The following SLC14A2 variants were observed in gnomAD, a reference collection of about 807,000 sequenced individuals.
The protein encoded by SLC14A2 is solute carrier family 14 member 2.
SLC14A2 carries 91 observed loss-of-function variants against 104.6 expected under a neutral mutation model. That is an observed-to-expected ratio of 0.87 (90% CI 0.73 to 1.04). SLC14A2 has a LOEUF of 1.04. Among genes scored for constraint, SLC14A2 ranks in the 50% least tolerant of loss-of-function variants. The probability of loss-of-function intolerance (pLI) is 0.00; values close to 1 mark genes in which losing one functional copy is unlikely to be tolerated. For missense variants in SLC14A2, 1,189 were observed against 1,156.0 expected (o/e 1.03, Z -0.41); for synonymous variants, 476 against 466.4 (o/e 1.02, Z -0.27).
rs987108724 is a variant in SLC14A2 at position 45,667,991 on chromosome 18, A to G, written c.1876A>G (p.Thr626Ala). Residue 626 changes from threonine to alanine, a missense_variant, in exon 14 of 20, where the codon ACC (threonine) becomes GCC (alanine). Coordinates refer to ENST00000255226, the MANE Select transcript of SLC14A2 (RefSeq NM_007163.4). Reference protein sequence around the residue: ...ISGCLGTIMSTLTALILSQDK... With the variant: ...ISGCLGTIMSALTALILSQDK... ...AGGCTGCCTGGGTACCATCATGTCC[A>G]CCTTGACAGCCCTCATCCTGAGTCA... 4 of 1,613,910 alleles carry G rather than the reference A, an allele frequency of 2.5e-6. No individual in the cohort carries two copies. The African/African-American group carries it at 4.0e-5, about 16-fold the overall frequency.
At chr18:45,248,981 G>A (rs780349571) in intron 1 of SLC14A2, among the ~76,000 whole-genome samples, 13 of 152,186 alleles carry the variant, frequency 8.5e-5, no homozygotes, top group Admixed American at 3.3e-4. Context: ...TGCTGTCCAC[G>A]TTCCATAATT....
At chr18:45,529,547 A>T (rs1460074336) in intron 2 of SLC14A2, 1 of 152,240 alleles carries the variant, frequency 6.6e-6, no homozygotes, top group East Asian at 1.9e-4. Context: ...ATCAATGAAT[A>T]TAAATGGATT....
intron 2 of SLC14A2, among the ~76,000 whole-genome samples, chr18:45,538,850 C>CT (rs61475766): frequency 0.23 from 24,557 of 105,220 alleles, 2,568 homozygotes; most frequent in African/African-American, 0.27. Flanking sequence ...TCCCCCTTCC[C>CT]TTTTTTTTTT....
At chr18:45,601,728 A>G (rs1187259735) in intron 2 of SLC14A2, among the ~76,000 whole-genome samples, 10 of 152,224 alleles carry the variant, frequency 6.6e-5, no homozygotes, top group African/African-American at 9.6e-5. Context: ...TCTGAAATCA[A>G]TTGATCAGAC....
At chr18:45,644,510 T>C (rs988777091) in intron 10 of SLC14A2, 29 of 182,400 alleles carry the variant, frequency 1.6e-4, no homozygotes, top group African/African-American at 6.5e-4. Flanking sequence ...AACTAAATAA[T>C]AGATGCTATA....
At position 45,253,036 on chromosome 18, in the gene SLC14A2, G is replaced by T. The variant is rs183777937; in HGVS notation, c.-125+39845G>T. On this transcript the variant is annotated intron_variant, in intron 1 of 20. Coordinates refer to the SLC14A2 transcript ENST00000586448. ...AGCCATGACTGATGAAATAAAAAAG[G>T]CTGCATCCATCCACCCTACAGTCTT... is the stretch of plus-strand genomic sequence containing the variant. Among the ~76,000 whole-genome samples, 70 of 152,264 alleles carry T rather than the reference G, an allele frequency of 4.6e-4. 1 individual carries two copies. Among genetic ancestry groups the T allele is most frequent in the African/African-American group, 1.6e-3 (65 of 41,544 alleles).
At chr18:45,586,470 C>G (rs939312723) in intron 2 of SLC14A2, among the ~76,000 whole-genome samples, 1 of 152,114 alleles carries the variant, frequency 6.6e-6, no homozygotes, top group Admixed American at 6.5e-5. Flanking sequence ...ATTAAAGGGT[C>G]CAGAGCAGGG....
At chr18:45,561,001 A>G (rs1202808092) in intron 2 of SLC14A2, among the ~76,000 whole-genome samples, 1 of 152,198 alleles carries the variant, frequency 6.6e-6, no homozygotes, top group Admixed American at 6.5e-5. Flanking sequence ...AAGATAAGGC[A>G]TTGTCCCTGT....
At chr18:45,503,755 A>C (rs2043237071) in intron 2 of SLC14A2, among the ~76,000 whole-genome samples, 1 of 144,030 alleles carries the variant, frequency 6.9e-6, no homozygotes, top group South Asian at 2.3e-4. Context: ...CTTAAAAATA[A>C]ATCTCTCCAA....
At chr18:45,607,622 C>T (rs1043784543) in intron 2 of SLC14A2, among the ~76,000 whole-genome samples, 1 of 152,026 alleles carries the variant, frequency 6.6e-6, no homozygotes, top group African/African-American at 2.4e-5. Context: ...GACAAATTGC[C>T]CCAGGTGTGA....
At chr18:45,420,591 G>A (rs1006786509) in intron 1 of SLC14A2, among the ~76,000 whole-genome samples, 1 of 152,162 alleles carries the variant, frequency 6.6e-6, no homozygotes, top group Non-Finnish European at 1.5e-5. Context: ...TGCTGAGGTT[G>A]AGTGGTAAAG....
intron 1 of SLC14A2, among the ~76,000 whole-genome samples, chr18:45,246,548 C>A (rs953178870): frequency 2.0e-5 from 3 of 152,108 alleles, no homozygotes; most frequent in Non-Finnish European, 2.9e-5. Flanking sequence ...ACTAACATTG[C>A]AGAGTAGAAA....
intron 1 of SLC14A2, among the ~76,000 whole-genome samples, chr18:45,616,730 A>C (rs2045077400): frequency 6.6e-6 from 1 of 152,192 alleles, no homozygotes; most frequent in Non-Finnish European, 1.5e-5. Context: ...AAGAGGCAAT[A>C]AATAAATTGC....
At chr18:45,667,213 G>A in intron 13 of SLC14A2, 119 bp downstream of exon 13, 2 of 709,398 alleles carry the variant, frequency 2.8e-6, no homozygotes, top group Non-Finnish European at 4.6e-6. Flanking sequence ...ACTGCACTCT[G>A]TTACTGTGGT....
chr18:45,534,226 C>T (rs1435517692), intron 2 of SLC14A2, among the ~76,000 whole-genome samples: 2 of 152,136 alleles, frequency 1.3e-5, no homozygotes, highest in Admixed American at 6.5e-5. Context: ...CCCTCCTCAT[C>T]ACTGCAGAGC....
chr18:45,386,404 C>T (rs780087326), intron 1 of SLC14A2, among the ~76,000 whole-genome samples: 2 of 152,108 alleles, frequency 1.3e-5, no homozygotes, highest in African/African-American at 2.4e-5. Flanking sequence ...ACTCAAAGAC[C>T]GCAGGAGGGT....
intron 1 of SLC14A2, among the ~76,000 whole-genome samples, chr18:45,479,199 T>A (rs544387998): frequency 2.4e-4 from 36 of 152,330 alleles, no homozygotes; most frequent in African/African-American, 8.7e-4. Context: ...AACAACACTG[T>A]CTTAAAAGTA....
intron 2 of SLC14A2, among the ~76,000 whole-genome samples, chr18:45,605,456 G>T (rs370919747): frequency 2.6e-5 from 4 of 152,058 alleles, no homozygotes; most frequent in African/African-American, 9.6e-5. Flanking sequence ...TTGACCTCCC[G>T]GGGGCACAAA....
At chr18:45,616,673 C>T (rs528068222) in intron 1 of SLC14A2, among the ~76,000 whole-genome samples, 5 of 152,266 alleles carry the variant, frequency 3.3e-5, no homozygotes, top group Admixed American at 2.6e-4. Context: ...AGACTGAGGG[C>T]TCTGAAGGAG....
Sources: allele counts gnomAD v4.1 joint callset (sites outside exome capture counted in the v4.1 genomes callset), GRCh38; gene constraint gnomAD v4.1.1; transcripts MANE v1.5; gene names NCBI Gene and HGNC (gene_info 2026-07-23, HGNC 2026-07-21).